Variants in AGPAT4 observed in about 807,000 individuals in gnomAD.
AGPAT4 encodes the protein 1-acylglycerol-3-phosphate O-acyltransferase 4.
Under a neutral mutation model 48.0 loss-of-function variants are expected in AGPAT4, and 15 were observed. The ratio of observed to expected loss-of-function variants is 0.31; its 90% CI spans 0.21 to 0.48. The LOEUF (loss-of-function observed/expected upper bound fraction) is 0.48, where lower values mean the gene tolerates loss of function less well. Among genes scored for constraint, AGPAT4 ranks in the 20% least tolerant of loss-of-function variants. The pLI is 0.99. For synonymous variants in AGPAT4, 178 were observed against 198.7 expected (o/e 0.90, Z 0.88); for missense variants, 314 against 482.5 (o/e 0.65, Z 3.27).
At chr6:161,173,475 AC>A (rs1229819431) in intron 2 of AGPAT4, among the ~76,000 whole-genome samples, 1 of 152,042 alleles carries the variant, frequency 6.6e-6, no homozygotes, top group African/African-American at 2.4e-5. Flanking sequence ...TCCTTCGCCC[AC>A]TTTTTGATGG....
At position 161,219,185 on chromosome 6, in the gene AGPAT4, C is replaced by T. The variant is rs1583339872; in HGVS notation, c.178+12851G>A. Among the ~76,000 whole-genome samples the T allele has an allele frequency of 6.6e-6, 1 of 152,036 alleles. No homozygotes were observed. On this transcript the variant is annotated intron_variant, in intron 2 of 8. Coordinates refer to ENST00000320285, the MANE Select transcript of AGPAT4 (RefSeq NM_020133.3). This position sits in a 1 kb window ranked among gnomAD's most constrained non-coding sequence, Gnocchi z 4.9. The stretch of plus-strand genomic sequence containing the variant: ...TTTAAGTGTGCTATATAAATTCTAT[C>T]TCCAGTATGGTGAAACCAAAACCCA...
intron 1 of AGPAT4, among the ~76,000 whole-genome samples, chr6:161,253,100 CT>C (rs562272177): frequency 2.0e-3 from 297 of 150,158 alleles, no homozygotes; most frequent in African/African-American, 6.9e-3. Flanking sequence ...GTAATCCCAG[CT>C]ACTCAGGAGG....
chr6:161,210,575 G>T (rs879400785), intron 2 of AGPAT4, among the ~76,000 whole-genome samples: 4 of 151,896 alleles, frequency 2.6e-5, no homozygotes, highest in Admixed American at 2.6e-4. Flanking sequence ...TACTTTATCA[G>T]GAAAAAGGAA....
Position 161,144,105 on chromosome 6 carries a change from C to A in AGPAT4, c.843+2419G>T, listed in dbSNP as rs765672580. 9 of 532,190 alleles carry A rather than the reference C, an allele frequency of 1.7e-5. No individual in the cohort carries two copies. The highest frequency in any genetic ancestry group is 3.5e-5 in the Non-Finnish European group (9 of 259,286). The allele number at this position is 532,190 out of a possible 1,614,324, so 33.0% of individuals were successfully genotyped here. On this transcript the variant is annotated intron_variant, in intron 7 of 8. Coordinates refer to ENST00000320285, the MANE Select transcript of AGPAT4 (RefSeq NM_020133.3). This position sits in a 1 kb window ranked among gnomAD's most constrained non-coding sequence, Gnocchi z 6.6. ...AGGCTCCTAGCAAAATAGGCTGATA[C>A]AGAAAGGAATTGTCCCTTGATGTCT...
intron 3 of AGPAT4, among the ~76,000 whole-genome samples, chr6:161,162,512 G>A (rs1258775783): frequency 1.3e-5 from 2 of 152,192 alleles, no homozygotes; most frequent in African/African-American, 4.8e-5. Context: ...CAGCAAACCC[G>A]TGAGCAAGCT....
rs1780505003 is a variant in AGPAT4, at chr6:161,178,881, G to A, written c.179-12464C>T. On this transcript the variant is annotated intron_variant, in intron 2 of 8. Coordinates refer to ENST00000320285, the MANE Select transcript of AGPAT4 (RefSeq NM_020133.3). This position sits in a 1 kb window ranked among gnomAD's most constrained non-coding sequence, Gnocchi z 5.1. ...ATCTCTCTACAAAGCAGTCACATTCGGATTCTGCTCTTGCAGCCACATCTG... is the reference window on the plus strand; with the variant it reads ...ATCTCTCTACAAAGCAGTCACATTCAGATTCTGCTCTTGCAGCCACATCTG... Among the ~76,000 whole-genome samples the A allele has an allele frequency of 6.6e-6, 1 of 152,168 alleles. No homozygotes were observed.
intron 3 of AGPAT4, among the ~76,000 whole-genome samples, chr6:161,157,264 T>C (rs750736284): frequency 4.6e-5 from 7 of 152,258 alleles, no homozygotes; most frequent in Non-Finnish European, 8.8e-5. Context: ...GACATCAGCA[T>C]GCTTTCGCCA....
At position 161,138,155 on chromosome 6, in the gene AGPAT4, G is replaced by A. The variant is rs1779133781; in HGVS notation, c.1042+1267C>T. 6.6e-6 allele frequency among the ~76,000 whole-genome samples: 1 copy of A among 152,230 alleles called. No homozygotes were observed. Among genetic ancestry groups the A allele is most frequent in the Non-Finnish European group, 1.5e-5 (1 of 68,030 alleles). ...AGCCTCAGCATGGCGGGGCATGGGG[G>A]TGCCCCTGGACCTGCCTTAAGGAGA... On this transcript the variant is annotated intron_variant, in intron 8 of 8. Coordinates refer to ENST00000320285, the MANE Select transcript of AGPAT4 (RefSeq NM_020133.3). The surrounding 1 kb of genome is among the most constrained non-coding windows in gnomAD (Gnocchi z 4.8).
rs1419441199 is a variant in AGPAT4 at position 161,231,675 on chromosome 6, CAGAA to C, written c.178+357_178+360del. 6.6e-6 allele frequency among the ~76,000 whole-genome samples: 1 copy of C among 152,032 alleles called. No individual in the cohort carries two copies. Among genetic ancestry groups the C allele is most frequent in the Admixed American group, 6.6e-5 (1 of 15,262 alleles). On this transcript the variant is annotated intron_variant, in intron 2 of 8. Transcript: ENST00000320285. The surrounding 1 kb of genome is among the most constrained non-coding windows in gnomAD (Gnocchi z 5.3). ...ATATGTATCTATATAGATATATACA[CAGAA>C]AGACGCACATGCATTTACAAGTATA... is the stretch of plus-strand genomic sequence containing the variant.
In AGPAT4 at chr6:161,255,477, A is replaced by G. The variant is rs948220160; in HGVS notation, c.-90+18461T>C. Among the ~76,000 whole-genome samples the G allele has an allele frequency of 3.9e-5, 6 of 152,232 alleles. No individual in the cohort carries two copies. Among genetic ancestry groups the G allele is most frequent in the African/African-American group, 1.4e-4 (6 of 41,460 alleles). On this transcript the variant is annotated intron_variant, in intron 1 of 8. Transcript: ENST00000320285. The surrounding 1 kb of genome is among the most constrained non-coding windows in gnomAD (Gnocchi z 4.7). ...AAAGGCCGAAACAGCCCCAGTGTTC[A>G]TCAACTGATGCGTGGATAAATACAA...
At chr6:161,271,428 G>A (rs1562366078) in intron 1 of AGPAT4, among the ~76,000 whole-genome samples, 1 of 152,148 alleles carries the variant, frequency 6.6e-6, no homozygotes, top group African/African-American at 2.4e-5. Flanking sequence ...CCCGTTTGGT[G>A]GATTTTAAGC....
chr6:161,264,436 C>T lies in AGPAT4; in HGVS notation c.-90+9502G>A, dbSNP rs1020575808. Among the ~76,000 whole-genome samples the T allele has an allele frequency of 2.0e-5, 3 of 152,168 alleles. No individual in the cohort carries two copies. Among genetic ancestry groups the T allele is most frequent in the African/African-American group, 7.2e-5 (3 of 41,436 alleles). On this transcript the variant is annotated intron_variant, in intron 1 of 8. Coordinates refer to ENST00000320285, the MANE Select transcript of AGPAT4 (RefSeq NM_020133.3). This position sits in a 1 kb window ranked among gnomAD's most constrained non-coding sequence, Gnocchi z 6.8. ...CTGGTCTCTGGCACTCCGTGAGAAG[C>T]GTGCACACTGGGACCAATACTCCCC...
Position 161,132,289 on chromosome 6 carries a change from C to T in AGPAT4, c.*4251G>A, listed in dbSNP as rs1778925815. 1 of 152,198 alleles carries T rather than the reference C, an allele frequency of 6.6e-6. No homozygotes were observed. Among genetic ancestry groups the T allele is most frequent in the African/African-American group, 2.4e-5 (1 of 41,446 alleles). 9.4% of individuals were successfully genotyped at this position (152,198 alleles called of 1,614,324 possible). On this transcript the variant is annotated 3_prime_UTR_variant, in exon 9 of 9. Coordinates refer to ENST00000320285, the MANE Select transcript of AGPAT4 (RefSeq NM_020133.3). ...TTCTGAGATGAAACCAATTTCTTGT[C>T]CACACAGCCACCATATCCTTATATA...
At chr6:161,252,660 A>G (rs1364903502) in intron 1 of AGPAT4, among the ~76,000 whole-genome samples, 4 of 152,094 alleles carry the variant, frequency 2.6e-5, no homozygotes, top group Non-Finnish European at 5.9e-5. Flanking sequence ...AAATACAAAA[A>G]TAAGCTGGTC....
rs938664111 is a variant in AGPAT4 at position 161,222,525 on chromosome 6, G to C, written c.178+9511C>G. Among the ~76,000 whole-genome samples, 1 of 151,522 alleles carries C rather than the reference G, an allele frequency of 6.6e-6. No individual in the cohort carries two copies. The highest frequency in any genetic ancestry group is 1.5e-5 in the Non-Finnish European group (1 of 67,984). ...TATTTAGGGTATAACGTGGTTCAAG[G>C]AAATAATGACCCAGCTGGGCATCTT... On this transcript the variant is annotated intron_variant, in intron 2 of 8. Coordinates refer to ENST00000320285, the MANE Select transcript of AGPAT4 (RefSeq NM_020133.3). The surrounding 1 kb of genome is among the most constrained non-coding windows in gnomAD (Gnocchi z 5.9).
At position 161,154,511 on chromosome 6, in the gene AGPAT4, T is replaced by C. The variant is rs1040724; in HGVS notation, c.349-201A>G. 0.085 allele frequency among the ~76,000 whole-genome samples: 12,921 copies of C among 152,164 alleles called. 676 individuals are homozygous for C. Among genetic ancestry groups the C allele is most frequent in the African/African-American group, 0.13 (5,309 of 41,520 alleles). ...CTAGAGGTCCAGGTTGTGCTTGCCC[T>C]GCCAGTGTGGGAGCAGGGGGCAGGG... On this transcript the variant is annotated intron_variant, in intron 3 of 8. Coordinates refer to ENST00000320285, the MANE Select transcript of AGPAT4 (RefSeq NM_020133.3). This position sits in a 1 kb window ranked among gnomAD's most constrained non-coding sequence, Gnocchi z 7.8.
chr6:161,142,388 T>G lies in AGPAT4; in HGVS notation c.844-2768A>C, dbSNP rs1475523473. ...CCGCAGGGAAAGGACTCGTGTTTTTTGTTTTTGTGTGTTACCGTGTGGCAT... is the reference window on the plus strand; with the variant it reads ...CCGCAGGGAAAGGACTCGTGTTTTTGGTTTTTGTGTGTTACCGTGTGGCAT... On this transcript the variant is annotated intron_variant, in intron 7 of 8. Transcript: ENST00000320285. The surrounding 1 kb of genome is among the most constrained non-coding windows in gnomAD (Gnocchi z 6.4). Among the ~76,000 whole-genome samples the G allele has an allele frequency of 1.3e-5, 2 of 152,214 alleles. No individual in the cohort carries two copies. Among genetic ancestry groups the G allele is most frequent in the Non-Finnish European group, 1.5e-5 (1 of 68,042 alleles).
chr6:161,269,258 T>C (rs1005424802), intron 1 of AGPAT4, among the ~76,000 whole-genome samples: 25 of 152,134 alleles, frequency 1.6e-4, no homozygotes, highest in African/African-American at 6.0e-4. Context: ...GTCTCCTGCG[T>C]TAGAAATTCC....
At position 161,206,390 on chromosome 6, in the gene AGPAT4, T is replaced by C. The variant is rs946489086; in HGVS notation, c.178+25646A>G. 2.0e-5 allele frequency among the ~76,000 whole-genome samples: 3 copies of C among 152,110 alleles called. No homozygotes were observed. The highest frequency in any genetic ancestry group is 7.2e-5 in the African/African-American group (3 of 41,406). Reference sequence around the variant, plus strand: ...CCCTCCCCTCCCAGCCAGCACACCATCCTGGAGACCTGGTGGGAAATCTGA... The same window carrying C: ...CCCTCCCCTCCCAGCCAGCACACCACCCTGGAGACCTGGTGGGAAATCTGA... On this transcript the variant is annotated intron_variant, in intron 2 of 8. Transcript: ENST00000320285. This position sits in a 1 kb window ranked among gnomAD's most constrained non-coding sequence, Gnocchi z 4.8.
Sources: allele counts gnomAD v4.1 joint callset (sites outside exome capture counted in the v4.1 genomes callset), GRCh38; gene constraint gnomAD v4.1.1; non-coding constraint Gnocchi (gnomAD v3.1); transcripts MANE v1.5; gene names NCBI Gene and HGNC (gene_info 2026-07-23, HGNC 2026-07-21).